The following ESRRG variants were observed in gnomAD, a reference collection of about 807,000 sequenced individuals.
ESRRG encodes the protein estrogen-related receptor gamma.
In ESRRG, 13 loss-of-function variants were observed where a neutral mutation model predicts 44.0. The observed-to-expected ratio is 0.30, with a 90% CI of 0.19 to 0.47. ESRRG has a LOEUF of 0.47. Ranked by LOEUF, ESRRG falls within the 20% of genes least tolerant of loss-of-function variation. The pLI, the probability that ESRRG is intolerant of heterozygous loss-of-function variation, is 1.00. For missense variants in ESRRG, 395 were observed against 580.6 expected, an observed-to-expected ratio of 0.68 and a Z score of 3.29; for synonymous variants, 215 against 214.6, an observed-to-expected ratio of 1.00 and a Z score of -0.02.
chr1:216,642,606 G>A (rs1043244550), intron 3 of ESRRG, among the ~76,000 whole-genome samples: 8 of 152,138 alleles, frequency 5.3e-5, no homozygotes, highest in Admixed American at 2.6e-4. Context: ...TATTACAACA[G>A]AGAGTGCAAG....
At chr1:216,887,704 A>T (rs926061184) in intron 2 of ESRRG, among the ~76,000 whole-genome samples, 4 of 152,172 alleles carry the variant, frequency 2.6e-5, no homozygotes, top group African/African-American at 9.7e-5. Context: ...ACTTCCTCTG[A>T]ATGGCTTGTT....
At chr1:217,041,005 TC>T (rs2083761347) in intron 1 of ESRRG, among the ~76,000 whole-genome samples, 1 of 152,212 alleles carries the variant, frequency 6.6e-6, no homozygotes, top group South Asian at 2.1e-4. Context: ...ATTCAGTTAC[TC>T]CTTTTTTACA....
In ESRRG at chr1:217,127,358, A is replaced by G. The variant is rs191067713; in HGVS notation, c.-230+10309T>C. 2.6e-3 allele frequency among the ~76,000 whole-genome samples: 392 copies of G among 152,334 alleles called. 1 individual carries two copies. The highest frequency in any genetic ancestry group is 9.0e-3 in the African/African-American group (376 of 41,570). ...AATGACAGGACTTATGCAGGTAAAC[A>G]GGTGAATAAATCATGCCAAGTTTGG... On this transcript the variant is annotated intron_variant, in intron 1 of 8. Coordinates refer to the ESRRG transcript ENST00000366940.
intron 2 of ESRRG, among the ~76,000 whole-genome samples, chr1:216,854,053 C>G (rs965257948): frequency 2.6e-5 from 4 of 152,078 alleles, no homozygotes; most frequent in African/African-American, 9.7e-5. Context: ...GCTTCTGCAG[C>G]TGCCACAAAA....
rs942840038 is a variant in ESRRG, at chr1:216,905,036, A to T, written c.-14+34546T>A. Among the ~76,000 whole-genome samples, 3 of 152,182 alleles carry T rather than the reference A, an allele frequency of 2.0e-5. No homozygotes were observed. In the East Asian group the frequency reaches 5.8e-4, roughly 29 times the overall value. ...CAGAATTCTTGTGAAAATCCAATAT[A>T]GGCTGAATTTTCCTTCATACTGTAT... On this transcript the variant is annotated intron_variant, in intron 2 of 7. Transcript: ENST00000359162.
intron 2 of ESRRG, among the ~76,000 whole-genome samples, chr1:216,881,872 C>A (rs1414751068): frequency 6.6e-6 from 1 of 152,002 alleles, no homozygotes; most frequent in Non-Finnish European, 1.5e-5. Context: ...ACTTTTATAG[C>A]CCCATACATT....
At chr1:216,528,989 G>C (rs560337639) in intron 5 of ESRRG, among the ~76,000 whole-genome samples, 1 of 152,152 alleles carries the variant, frequency 6.6e-6, no homozygotes, top group African/African-American at 2.4e-5. Context: ...CAGCAAGGAG[G>C]GTTCTTGTCT....
chr1:216,965,730 G>A (rs945586536), intron 1 of ESRRG, among the ~76,000 whole-genome samples: 1 of 152,198 alleles, frequency 6.6e-6, no homozygotes, highest in Non-Finnish European at 1.5e-5. Context: ...CCATACAGGT[G>A]TGCACAAGGC....
At chr1:216,735,975 A>G (rs1278731938) in intron 2 of ESRRG, among the ~76,000 whole-genome samples, 1 of 64,384 alleles carries the variant, frequency 1.6e-5, no homozygotes, top group African/African-American at 6.0e-5. Context: ...AATACTCCCC[A>G]TCTCAAAAAA....
At chr1:216,800,054 AC>A (rs1393837823) in intron 2 of ESRRG, among the ~76,000 whole-genome samples, 2 of 152,200 alleles carry the variant, frequency 1.3e-5, no homozygotes, top group Non-Finnish European at 2.9e-5. Flanking sequence ...AAGAAAAGAA[AC>A]AGAAGGTGCT....
chr1:216,711,264 CCT>C (rs2083544060), intron 1 of ESRRG, among the ~76,000 whole-genome samples: 1 of 152,112 alleles, frequency 6.6e-6, no homozygotes, highest in Non-Finnish European at 1.5e-5. Context: ...TATTACAACT[CCT>C]GGGGCACCTT....
chr1:216,991,617 AGGATGGGATGGGATGGGATG>A (rs59213834), intron 1 of ESRRG, among the ~76,000 whole-genome samples: 4,331 of 59,706 alleles, frequency 0.073, 417 homozygotes, highest in African/African-American at 0.22. Flanking sequence ...GGGATGGGAT[AGGATGGGATGGGATGGGATG>A]GGATGGGATG....
chr1:216,618,763 T>C (rs1369351691), intron 3 of ESRRG, among the ~76,000 whole-genome samples: 1 of 152,172 alleles, frequency 6.6e-6, no homozygotes, highest in African/African-American at 2.4e-5. Flanking sequence ...CTTCTATGTT[T>C]AAGGTTAGGA....
At chr1:217,105,246 T>C (rs1430542291) in intron 1 of ESRRG, among the ~76,000 whole-genome samples, 11 of 152,214 alleles carry the variant, frequency 7.2e-5, no homozygotes, top group Admixed American at 7.2e-4. Context: ...CCCATTTAGC[T>C]CTAGGCATAA....
At chr1:217,085,812 T>C (rs2092055637) in intron 1 of ESRRG, among the ~76,000 whole-genome samples, 1 of 151,964 alleles carries the variant, frequency 6.6e-6, no homozygotes, top group African/African-American at 2.4e-5. Flanking sequence ...CTTTAAACTC[T>C]CCTACAGCAC....
chr1:216,714,811 C>T (rs2084461433), intron 1 of ESRRG, among the ~76,000 whole-genome samples: 1 of 152,204 alleles, frequency 6.6e-6, no homozygotes, highest in South Asian at 2.1e-4. Flanking sequence ...TTAAAAAATG[C>T]TTAAACTAGG....
At chr1:216,659,504 G>A (rs769009452) in intron 2 of ESRRG, among the ~76,000 whole-genome samples, 36 of 152,248 alleles carry the variant, frequency 2.4e-4, no homozygotes, top group African/African-American at 8.7e-4. Flanking sequence ...TTAGAACAGA[G>A]GACAAAACAT....
intron 1 of ESRRG, among the ~76,000 whole-genome samples, chr1:217,080,920 G>T (rs1180575229): frequency 6.6e-6 from 1 of 151,736 alleles, no homozygotes; most frequent in African/African-American, 2.4e-5. Flanking sequence ...CTCGTGATCC[G>T]CCCGCCTCGG....
intron 1 of ESRRG, among the ~76,000 whole-genome samples, chr1:216,959,890 A>C (rs772247874): frequency 8.1e-4 from 123 of 152,158 alleles, no homozygotes; most frequent in Non-Finnish European, 1.6e-3. Context: ...ACTAACCTAT[A>C]CTGAGCACTT....
Sources: allele counts gnomAD v4.1 joint callset (sites outside exome capture counted in the v4.1 genomes callset), GRCh38; gene constraint gnomAD v4.1.1; transcripts MANE v1.5; gene names NCBI Gene and HGNC (gene_info 2026-07-23, HGNC 2026-07-21).